COL23A1: variants seen among roughly 807,000 people sequenced by gnomAD.
The protein encoded by COL23A1 is collagen type XXIII alpha 1 chain, also known as collagen alpha-1(XXIII) chain.
In COL23A1, 97 loss-of-function variants were observed where a neutral mutation model predicts 99.3. The observed-to-expected ratio is 0.98, with a 90% CI of 0.83 to 1.16. COL23A1 has a LOEUF of 1.16. Ranked by LOEUF, COL23A1 falls within the 50% of genes most tolerant of loss-of-function variation. The probability of loss-of-function intolerance (pLI) is 0.00; values close to 1 mark genes in which losing one functional copy is unlikely to be tolerated. For missense variants in COL23A1, 762 were observed against 757.4 expected (o/e 1.01, Z -0.07); for synonymous variants, 320 against 308.2 (o/e 1.04, Z -0.40).
intron 2 of COL23A1, among the ~76,000 whole-genome samples, chr5:178,476,794 C>T (rs1024265523): frequency 2.6e-5 from 4 of 152,224 alleles, no homozygotes; most frequent in Non-Finnish European, 5.9e-5. Context: ...ATGCTAGGGA[C>T]CTCCTAGGTG....
In COL23A1 at chr5:178,529,187, G is replaced by A. The variant is rs919739236; in HGVS notation, c.361+31495C>T. Among the ~76,000 whole-genome samples the A allele has an allele frequency of 1.9e-4, 29 of 152,332 alleles. No individual in the cohort carries two copies. In the South Asian group the frequency reaches 3.9e-3, roughly 21 times the overall value. On this transcript the variant is annotated intron_variant, in intron 2 of 28. Coordinates refer to ENST00000390654, the MANE Select transcript of COL23A1 (RefSeq NM_173465.4). ...TCTCTTCAGCCGACAGTCTAGCCCT[G>A]GGCTTCTTTACGTCTGGGTGGCTGG... is the stretch of plus-strand genomic sequence containing the variant.
rs548423616 is a variant in COL23A1, at chr5:178,332,953, T to A, written c.362-26034A>T. Among the ~76,000 whole-genome samples the A allele has an allele frequency of 3.6e-3, 535 of 147,474 alleles. 2 individuals carry two copies. The highest frequency in any genetic ancestry group is 0.031 in the Middle Eastern group (9 of 294). On this transcript the variant is annotated intron_variant, in intron 2 of 28. Coordinates refer to ENST00000390654, the MANE Select transcript of COL23A1 (RefSeq NM_173465.4). ...TTTTTCATTTTTGACTCATGGTTTG[T>A]TTTTTTTTGTTTGTTTGTTTTTGAG...
At position 178,277,200 on chromosome 5, in the gene COL23A1, TA is replaced by T. The variant is rs61628732; in HGVS notation, c.442-6838del. 6.9e-3 allele frequency among the ~76,000 whole-genome samples: 955 copies of T among 137,522 alleles called. 4 individuals are homozygous for T. Among genetic ancestry groups the T allele is most frequent in the African/African-American group, 0.02 (751 of 37,516 alleles). The allele number at this position is 137,522 out of a possible 152,430, so 90.2% of individuals were successfully genotyped here. ...GGGCAACATAGTGAGACCTCATCTC[TA>T]AAAAAAAAAAAAAAAAAGGTTGGGT... is the stretch of plus-strand genomic sequence containing the variant. On this transcript the variant is annotated intron_variant, in intron 5 of 28. Transcript: ENST00000390654.
Position 178,443,994 on chromosome 5 carries a change from G to A in COL23A1, c.361+116688C>T, listed in dbSNP as rs1405862776. Reference sequence around the variant, plus strand: ...AGGCAGGTGGATCGCTTGAGCCTGGGAGATTGAGACCAACCCAGGCAACAT... The same window carrying A: ...AGGCAGGTGGATCGCTTGAGCCTGGAAGATTGAGACCAACCCAGGCAACAT... On this transcript the variant is annotated intron_variant, in intron 2 of 28. Coordinates refer to ENST00000390654, the MANE Select transcript of COL23A1 (RefSeq NM_173465.4). Among the ~76,000 whole-genome samples, 3 of 152,050 alleles carry A rather than the reference G, an allele frequency of 2.0e-5. No homozygotes were observed. In the East Asian group the frequency reaches 5.8e-4, roughly 30 times the overall value.
chr5:178,277,455 C>A (rs1338545349), intron 5 of COL23A1, among the ~76,000 whole-genome samples: 2 of 152,272 alleles, frequency 1.3e-5, no homozygotes, highest in African/African-American at 4.8e-5. Flanking sequence ...AGAGTTTGGG[C>A]TTTTCTTGAA....
At chr5:178,537,275 C>T (rs1051686270) in intron 2 of COL23A1, among the ~76,000 whole-genome samples, 7 of 152,174 alleles carry the variant, frequency 4.6e-5, no homozygotes, top group South Asian at 2.1e-4. Context: ...CCCTCCCTGC[C>T]GCACCCTCAG....
intron 2 of COL23A1, among the ~76,000 whole-genome samples, chr5:178,476,456 G>T (rs777943084): frequency 2.6e-5 from 4 of 152,204 alleles, no homozygotes; most frequent in Non-Finnish European, 4.4e-5. Flanking sequence ...TTTGGGGGCC[G>T]CTTTGCCCTT....
chr5:178,324,729 G>A (rs1206683045), intron 2 of COL23A1, among the ~76,000 whole-genome samples: 1 of 152,220 alleles, frequency 6.6e-6, no homozygotes, highest in Non-Finnish European at 1.5e-5. Context: ...AGCTGGGACA[G>A]AAGTGCCTCA....
chr5:178,386,655 C>G (rs910637802), intron 2 of COL23A1, among the ~76,000 whole-genome samples: 24 of 152,068 alleles, frequency 1.6e-4, no homozygotes, highest in African/African-American at 5.3e-4. Flanking sequence ...CCCGCCCCCA[C>G]AGCTCACTGA....
intron 2 of COL23A1, among the ~76,000 whole-genome samples, chr5:178,490,684 G>A (rs62389453): frequency 0.17 from 25,339 of 152,160 alleles, 2,211 homozygotes; most frequent in Middle Eastern, 0.21. Flanking sequence ...GGCTGAGGCC[G>A]GAGAACTGCT....
At chr5:178,368,182 A>G (rs1762595055) in intron 2 of COL23A1, among the ~76,000 whole-genome samples, 1 of 152,184 alleles carries the variant, frequency 6.6e-6, no homozygotes, top group African/African-American at 2.4e-5. Flanking sequence ...CCATGTGTGA[A>G]AGGCAACATG....
rs1382179879 is a variant in COL23A1 at position 178,434,617 on chromosome 5, C to A, written c.361+126065G>T. 1.3e-5 allele frequency among the ~76,000 whole-genome samples: 2 copies of A among 152,226 alleles called. No homozygotes were observed. Among genetic ancestry groups the A allele is most frequent in the East Asian group, 3.8e-4 (2 of 5,200 alleles). On this transcript the variant is annotated intron_variant, in intron 2 of 28. Transcript: ENST00000390654. This position sits in a 1 kb window ranked among gnomAD's most constrained non-coding sequence, Gnocchi z 4.3. ...CCAGCTGGGCGCCTGGCCTTGCATCCCAGGTGGGTAATCTGGAGACAGTGG... is the reference window on the plus strand; with the variant it reads ...CCAGCTGGGCGCCTGGCCTTGCATCACAGGTGGGTAATCTGGAGACAGTGG...
chr5:178,297,976 C>T (rs2973784), intron 3 of COL23A1, among the ~76,000 whole-genome samples: 1 of 151,984 alleles, frequency 6.6e-6, no homozygotes, highest in East Asian at 1.9e-4. Context: ...GGTTGGTCCA[C>T]GCCAGCCAGG....
chr5:178,451,087 A>G (rs1451603189), intron 2 of COL23A1, among the ~76,000 whole-genome samples: 1 of 152,214 alleles, frequency 6.6e-6, no homozygotes, highest in African/African-American at 2.4e-5. Context: ...ATTAAAAAGG[A>G]CTTTGTTTTC....
At chr5:178,585,641 A>G (rs1212356287) in intron 1 of COL23A1, among the ~76,000 whole-genome samples, 39 of 150,804 alleles carry the variant, frequency 2.6e-4, no homozygotes, top group African/African-American at 7.7e-4. Context: ...AACACTCCAC[A>G]GCCCTGGATG....
At chr5:178,303,094 G>A (rs1392686201) in intron 3 of COL23A1, among the ~76,000 whole-genome samples, 2 of 152,170 alleles carry the variant, frequency 1.3e-5, no homozygotes, top group African/African-American at 4.8e-5. Context: ...TCTGCCTCCT[G>A]GGTTCAAGCG....
chr5:178,248,631 G>A (rs1308405870), intron 19 of COL23A1, among the ~76,000 whole-genome samples: 4 of 152,110 alleles, frequency 2.6e-5, no homozygotes, highest in African/African-American at 4.8e-5. Context: ...CAAAAGCAAC[G>A]AAAATCATGA....
At chr5:178,425,482 C>T (rs1333886675) in intron 2 of COL23A1, among the ~76,000 whole-genome samples, 3 of 151,472 alleles carry the variant, frequency 2.0e-5, no homozygotes, top group African/African-American at 7.3e-5. Context: ...TAAAATAAAG[C>T]CAATGGTGGC....
intron 8 of COL23A1, chr5:178,265,679 G>T: frequency 1.0e-6 from 1 of 985,868 alleles, no homozygotes; most frequent in Non-Finnish European, 1.2e-6. Flanking sequence ...GATTGTACAG[G>T]TGATGGTCTC....
Sources: gnomAD v4.1 joint callset for allele counts (sites outside exome capture counted in the v4.1 genomes callset) on GRCh38, gnomAD v4.1.1 for gene constraint, Gnocchi (gnomAD v3.1) non-coding constraint, MANE v1.5 for transcripts, NCBI Gene and HGNC (gene_info 2026-07-23, HGNC 2026-07-21) for gene names.